RASAL2: variants seen among roughly 807,000 people sequenced by gnomAD.
The protein encoded by RASAL2 is RAS protein activator like 2.
Under a neutral mutation model 128.9 loss-of-function variants are expected in RASAL2, and 58 were observed. The ratio of observed to expected loss-of-function variants is 0.45; its 90% CI spans 0.36 to 0.56. The LOEUF is 0.56. RASAL2 is among the 20% of genes least tolerant of loss of function. RASAL2 has a pLI of 0.00. For synonymous variants in RASAL2, 561 were observed against 580.8 expected (o/e 0.97, Z 0.49); for missense variants, 1,360 against 1,601.6 (o/e 0.85, Z 2.57).
Position 178,390,886 on chromosome 1 carries a change from C to T in RASAL2, c.564+680C>T, listed in dbSNP as rs1458897932. 2.0e-5 allele frequency among the ~76,000 whole-genome samples: 3 copies of T among 151,350 alleles called. No individual in the cohort carries two copies. In the East Asian group the frequency reaches 5.8e-4, roughly 29 times the overall value. On this transcript the variant is annotated intron_variant, in intron 4 of 17. Transcript: ENST00000367649. ...TGGTGGCAGGTTTTTTTTTTAGGAA[C>T]GGGATGTGGTTTTTTTTATTTTTCA...
intron 3 of RASAL2, among the ~76,000 whole-genome samples, chr1:178,338,888 T>C (rs1669727149): frequency 6.6e-6 from 1 of 152,228 alleles, no homozygotes; most frequent in Non-Finnish European, 1.5e-5. Context: ...AAATTCAGTA[T>C]ATTGTTCCAA....
intron 1 of RASAL2, among the ~76,000 whole-genome samples, chr1:178,146,105 A>T (rs1660722385): frequency 6.6e-6 from 1 of 152,200 alleles, no homozygotes; most frequent in African/African-American, 2.4e-5. Context: ...AATTTTATTG[A>T]TTATTGCAAA....
chr1:178,265,761 C>T (rs1665917712), intron 1 of RASAL2, among the ~76,000 whole-genome samples: 1 of 152,156 alleles, frequency 6.6e-6, no homozygotes, highest in Non-Finnish European at 1.5e-5. Flanking sequence ...CTCAGAAGCC[C>T]ACTTATGTCC....
In RASAL2 at chr1:178,391,519, ATTTTC is replaced by A. The variant is rs1222108730; in HGVS notation, c.564+1316_564+1320del. 2.7e-4 allele frequency among the ~76,000 whole-genome samples: 41 copies of A among 152,248 alleles called. 1 individual carries two copies. The highest frequency in any genetic ancestry group is 2.8e-4 in the Non-Finnish European group (19 of 68,012). On this transcript the variant is annotated intron_variant, in intron 4 of 17. Coordinates refer to ENST00000367649, the MANE Select transcript of RASAL2 (RefSeq NM_170692.4). ...TTGGATATCTGTAGAAATTCATTGT[ATTTTC>A]TTAAATTTTCATGTAATACCAATAG...
intron 3 of RASAL2, among the ~76,000 whole-genome samples, chr1:178,388,403 G>T (rs538103598): frequency 6.6e-6 from 1 of 152,344 alleles, no homozygotes; most frequent in African/African-American, 2.4e-5. Flanking sequence ...TAGAAGTCAT[G>T]TGTGCCTAAT....
intron 1 of RASAL2, among the ~76,000 whole-genome samples, chr1:178,258,671 C>T (rs1374886566): frequency 1.3e-5 from 2 of 152,124 alleles, no homozygotes; most frequent in African/African-American, 2.4e-5. Context: ...GACATAAAAT[C>T]GTGTAGCTGC....
intron 17 of RASAL2, among the ~76,000 whole-genome samples, chr1:178,472,625 T>A (rs1648379361): frequency 1.3e-5 from 2 of 152,208 alleles, no homozygotes; most frequent in African/African-American, 4.8e-5. Flanking sequence ...TGATATGCCC[T>A]CTTTTGGGGC....
At chr1:178,205,733 G>T (rs1032935755) in intron 1 of RASAL2, among the ~76,000 whole-genome samples, 1 of 152,012 alleles carries the variant, frequency 6.6e-6, no homozygotes, top group Non-Finnish European at 1.5e-5. Context: ...CTCCAGCCTG[G>T]GCGACAGAGC....
At chr1:178,219,193 A>G (rs912450427) in intron 1 of RASAL2, among the ~76,000 whole-genome samples, 7 of 152,078 alleles carry the variant, frequency 4.6e-5, no homozygotes, top group Non-Finnish European at 7.4e-5. Flanking sequence ...ACTTCTCTCA[A>G]CCTACATAGA....
chr1:178,135,187 C>A (rs1558073191), intron 1 of RASAL2, among the ~76,000 whole-genome samples: 1 of 152,098 alleles, frequency 6.6e-6, no homozygotes, highest in African/African-American at 2.4e-5. Context: ...TAAAGCGTAT[C>A]CATTTTTCTT....
chr1:178,347,112 A>G (rs1289654262), intron 3 of RASAL2, among the ~76,000 whole-genome samples: 1 of 152,318 alleles, frequency 6.6e-6, no homozygotes, highest in East Asian at 1.9e-4. Context: ...CTCAGAAGCT[A>G]TCTTACTGTG....
At chr1:178,258,702 T>C (rs1167563963) in intron 1 of RASAL2, among the ~76,000 whole-genome samples, 1 of 152,184 alleles carries the variant, frequency 6.6e-6, no homozygotes, top group African/African-American at 2.4e-5. Context: ...TGCCTGGCAG[T>C]TCTTCAAACA....
chr1:178,313,660 A>G (rs1003295841), intron 3 of RASAL2, among the ~76,000 whole-genome samples: 1 of 152,086 alleles, frequency 6.6e-6, no homozygotes, highest in Non-Finnish European at 1.5e-5. Context: ...CCAGCTAATT[A>G]AGGGCATTAA....
chr1:178,272,184 T>C (rs957209251), intron 1 of RASAL2, among the ~76,000 whole-genome samples: 1 of 152,178 alleles, frequency 6.6e-6, no homozygotes, highest in Non-Finnish European at 1.5e-5. Flanking sequence ...TTGTTCATTG[T>C]TATATCCCGA....
chr1:178,103,932 TTTCCTGGGAG>T (rs1214190015), intron 1 of RASAL2, among the ~76,000 whole-genome samples: 1 of 152,086 alleles, frequency 6.6e-6, no homozygotes, highest in African/African-American at 2.4e-5. Context: ...TAGAATGGGC[TTTCCTGGGAG>T]TTCTCTGGAC....
At chr1:178,117,585 G>A (rs183099959) in intron 1 of RASAL2, among the ~76,000 whole-genome samples, 198 of 152,244 alleles carry the variant, frequency 1.3e-3, no homozygotes, top group Middle Eastern at 6.8e-3. Context: ...GCCTTTAGGA[G>A]GTGATTCAGT....
At chr1:178,229,488 T>A (rs1663918175) in intron 1 of RASAL2, among the ~76,000 whole-genome samples, 1 of 152,118 alleles carries the variant, frequency 6.6e-6, no homozygotes, top group Non-Finnish European at 1.5e-5. Context: ...TTTTTTTTTT[T>A]TTATTGGGAG....
chr1:178,248,748 T>C (rs1664904457), intron 1 of RASAL2, among the ~76,000 whole-genome samples: 1 of 152,220 alleles, frequency 6.6e-6, no homozygotes, highest in African/African-American at 2.4e-5. Flanking sequence ...TGACAAAATT[T>C]CTCAGCATTT....
At chr1:178,194,455 T>G (rs928319889) in intron 1 of RASAL2, 2 of 209,352 alleles carry the variant, frequency 9.6e-6, no homozygotes, top group African/African-American at 4.6e-5. Context: ...ATGCCTCACT[T>G]GCCTCTGGAA....
Sources: allele counts gnomAD v4.1 joint callset (sites outside exome capture counted in the v4.1 genomes callset), GRCh38; gene constraint gnomAD v4.1.1; transcripts MANE v1.5; gene names NCBI Gene and HGNC (gene_info 2026-07-23, HGNC 2026-07-21).